SNTG1: variants seen among roughly 807,000 people sequenced by gnomAD.
The protein encoded by SNTG1 is syntrophin gamma 1.
Under a neutral mutation model 74.7 loss-of-function variants are expected in SNTG1, and 39 were observed. That is an observed-to-expected ratio of 0.52 (90% confidence interval 0.40 to 0.68). The LOEUF (loss-of-function observed/expected upper bound fraction) is 0.68. Ranked by LOEUF, SNTG1 falls within the 30% of genes least tolerant of loss-of-function variation. The probability of loss-of-function intolerance (pLI) is 0.00; values close to 1 mark genes in which losing one functional copy is unlikely to be tolerated. For missense variants in SNTG1, 685 were observed against 609.5 expected (o/e 1.12, Z -1.30); for synonymous variants, 254 against 217.1 (o/e 1.17, Z -1.49).
chr8:50,707,580 G>T (rs1049569059), intron 16 of SNTG1, among the ~76,000 whole-genome samples: 1 of 152,130 alleles, frequency 6.6e-6, no homozygotes, highest in Non-Finnish European at 1.5e-5. Flanking sequence ...ATTTAGTCAT[G>T]ATTACATTCA....
At chr8:50,615,633 G>A (rs771239569) in intron 13 of SNTG1, among the ~76,000 whole-genome samples, 65 of 152,116 alleles carry the variant, frequency 4.3e-4, no homozygotes, top group Admixed American at 1.6e-3. Flanking sequence ...GCCTTTACAA[G>A]AAAGCATCAG....
At chr8:49,961,013 C>G (rs1810634169) in intron 1 of SNTG1, among the ~76,000 whole-genome samples, 1 of 152,106 alleles carries the variant, frequency 6.6e-6, no homozygotes, top group South Asian at 2.1e-4. Flanking sequence ...ATCTTGAAAA[C>G]TTTCTATTTG....
intron 18 of SNTG1, among the ~76,000 whole-genome samples, chr8:50,759,464 C>G (rs2095591405): frequency 6.6e-6 from 1 of 151,908 alleles, no homozygotes; most frequent in Non-Finnish European, 1.5e-5. Context: ...AATCTTTAAT[C>G]CATCTTGAGT....
intron 4 of SNTG1, among the ~76,000 whole-genome samples, chr8:50,438,226 G>T (rs562413792): frequency 6.6e-6 from 1 of 152,036 alleles, no homozygotes; most frequent in African/African-American, 2.4e-5. Context: ...ATAAGAATAC[G>T]TAATGTGGAA....
chr8:50,486,072 T>A (rs2093790611), intron 8 of SNTG1, among the ~76,000 whole-genome samples: 1 of 152,372 alleles, frequency 6.6e-6, no homozygotes, highest in East Asian at 1.9e-4. Context: ...TAGTTTGAAG[T>A]CAGGTAGTGT....
At chr8:50,509,933 T>C (rs191792065) in intron 9 of SNTG1, among the ~76,000 whole-genome samples, 1 of 152,126 alleles carries the variant, frequency 6.6e-6, no homozygotes, top group Admixed American at 6.6e-5. Flanking sequence ...GATTGTCCTG[T>C]GCAGAGCTTC....
chr8:50,207,166 G>A (rs537124191), intron 2 of SNTG1, among the ~76,000 whole-genome samples: 1 of 152,128 alleles, frequency 6.6e-6, no homozygotes, highest in Non-Finnish European at 1.5e-5. Context: ...TGTACCTCTG[G>A]TAGAATTCGA....
chr8:50,157,772 T>C (rs1181047248), intron 1 of SNTG1, among the ~76,000 whole-genome samples: 1 of 152,114 alleles, frequency 6.6e-6, no homozygotes, highest in East Asian at 1.9e-4. Context: ...ACTGGTGCTT[T>C]GTTTACAGCA....
At chr8:50,669,288 C>A (rs1426205041) in intron 15 of SNTG1, among the ~76,000 whole-genome samples, 3 of 151,438 alleles carry the variant, frequency 2.0e-5, no homozygotes, top group African/African-American at 7.3e-5. Context: ...AATTGATAGA[C>A]CACTAGCTAG....
chr8:50,069,495 T>C (rs933512934), intron 1 of SNTG1, among the ~76,000 whole-genome samples: 8 of 151,886 alleles, frequency 5.3e-5, no homozygotes, highest in African/African-American at 1.9e-4. Flanking sequence ...AATTGTTTAT[T>C]GCAAAAAATT....
intron 1 of SNTG1, among the ~76,000 whole-genome samples, chr8:50,129,255 G>A (rs573071558): frequency 5.9e-5 from 9 of 152,104 alleles, no homozygotes; most frequent in African/African-American, 1.7e-4. Flanking sequence ...CACGCTGCCC[G>A]ATCATTCAGA....
chr8:50,408,286 T>TAAACTAC lies in SNTG1; in HGVS notation c.162+5944_162+5950dup, dbSNP rs2092905534. On this transcript the variant is annotated intron_variant, in intron 4 of 18. Transcript: ENST00000642720. ...AGTTCCTTGCTTTAAAGTTAAACTA[T>TAAACTAC]AAACTACATTTTTCCATTAAATTGT... is the stretch of plus-strand genomic sequence containing the variant. Among the ~76,000 whole-genome samples, 17 of 152,132 alleles carry TAAACTAC rather than the reference T, an allele frequency of 1.1e-4. No individual in the cohort carries two copies. In the South Asian group the frequency reaches 3.5e-3, roughly 32 times the overall value.
intron 8 of SNTG1, among the ~76,000 whole-genome samples, chr8:50,476,525 C>G (rs2093697958): frequency 6.6e-6 from 1 of 152,010 alleles, no homozygotes; most frequent in South Asian, 2.1e-4. Flanking sequence ...TGGGAGGTTA[C>G]AAATAAGCAA....
At chr8:50,043,904 C>A (rs1305683667) in intron 1 of SNTG1, among the ~76,000 whole-genome samples, 1 of 152,090 alleles carries the variant, frequency 6.6e-6, no homozygotes, top group East Asian at 1.9e-4. Context: ...AGGGAGATGT[C>A]CTTAGTGAGG....
intron 1 of SNTG1, among the ~76,000 whole-genome samples, chr8:50,106,739 C>A (rs1355191563): frequency 6.6e-6 from 1 of 152,078 alleles, no homozygotes; most frequent in African/African-American, 2.4e-5. Flanking sequence ...ATGAGTTTTG[C>A]AAACTTTTCT....
intron 4 of SNTG1, among the ~76,000 whole-genome samples, chr8:50,418,491 C>A (rs1481469): frequency 0.88 from 132,984 of 151,922 alleles, 58,500 homozygotes; most frequent in Non-Finnish European, 0.93. Flanking sequence ...TATTCTTTTT[C>A]TTTTACTTTT....
intron 5 of SNTG1, among the ~76,000 whole-genome samples, chr8:50,446,218 AG>A (rs2093405889): frequency 6.6e-6 from 1 of 152,226 alleles, no homozygotes; most frequent in Non-Finnish European, 1.5e-5. Context: ...AATTAACTGT[AG>A]CAGCTGAGCT....
intron 18 of SNTG1, among the ~76,000 whole-genome samples, chr8:50,758,116 G>T (rs1006494712): frequency 6.6e-6 from 1 of 151,496 alleles, no homozygotes; most frequent in East Asian, 2.0e-4. Flanking sequence ...TTTAGAATTT[G>T]CATTTTCTGC....
At chr8:49,967,985 T>C (rs911309132) in intron 1 of SNTG1, among the ~76,000 whole-genome samples, 1 of 152,204 alleles carries the variant, frequency 6.6e-6, no homozygotes, top group African/African-American at 2.4e-5. Flanking sequence ...GTCTTGGTCC[T>C]ATCCTTCAGT....
Sources: gnomAD v4.1 joint callset for allele counts (sites outside exome capture counted in the v4.1 genomes callset) on GRCh38, gnomAD v4.1.1 for gene constraint, MANE v1.5 for transcripts, NCBI Gene and HGNC (gene_info 2026-07-23, HGNC 2026-07-21) for gene names.